Variants in MX1 observed in about 807,000 individuals in gnomAD.
The protein encoded by MX1 is interferon-induced GTP-binding protein Mx1.
MX1 carries 66 observed loss-of-function variants against 66.4 expected under a neutral mutation model. That is an observed-to-expected ratio of 0.99 (90% confidence interval 0.82 to 1.22). MX1 has a LOEUF of 1.22. MX1 is among the 50% of genes most tolerant of loss of function. The pLI, the probability that MX1 is intolerant of heterozygous loss-of-function variation, is 0.00. For synonymous variants in MX1, 311 were observed against 318.1 expected (o/e 0.98, Z 0.24); for missense variants, 787 against 834.3 (o/e 0.94, Z 0.70).
At chr21:41,425,723 G>GA (rs556653438), upstream of MX1, among the ~76,000 whole-genome samples, 70 of 152,302 alleles carry the variant, frequency 4.6e-4, 1 homozygote, top group East Asian at 0.012. Flanking sequence ...TGGGCAAGGG[G>GA]AAACGGGAAA....
At chr21:41,450,913 C>T (rs1601532320) in intron 14 of MX1, 1 of 194,910 alleles carries the variant, frequency 5.1e-6, no homozygotes. Flanking sequence ...AAAGAAATTA[C>T]ATTCTTTGCA....
Position 41,449,166 on chromosome 21 carries a change from A to C in MX1, c.1303A>C (p.Lys435Gln). 2 of 1,612,414 alleles carry C rather than the reference A, an allele frequency of 1.2e-6. No individual in the cohort carries two copies. The highest frequency in any genetic ancestry group is 1.7e-6 in the Non-Finnish European group (2 of 1,179,520). ...GHKILSRKIQ[K>Q]FENQYRGREL... Reference sequence around the variant, plus strand: ...TAAAATTTTGAGTAGAAAAATCCAGAAATTTGAAAATCAGTATCGTGGTAG... The same window carrying C: ...TAAAATTTTGAGTAGAAAAATCCAGCAATTTGAAAATCAGTATCGTGGTAG... Residue 435 changes from lysine to glutamine, a missense_variant, in exon 14 of 17, where the codon AAA (lysine) becomes CAA (glutamine). Transcript: ENST00000398598.
chr21:41,443,573 CT>C, intron 10 of MX1: 1 of 574,114 alleles, frequency 1.7e-6, no homozygotes, highest in Non-Finnish European at 3.2e-6. Context: ...GCTGGAAGAG[CT>C]CATTCCATAT....
chr21:41,450,010 C>A (rs907631872), intron 14 of MX1, among the ~76,000 whole-genome samples: 1 of 152,202 alleles, frequency 6.6e-6, no homozygotes, highest in South Asian at 2.1e-4. Flanking sequence ...ACACGAGATA[C>A]TCCTAAGGCT....
In MX1 at chr21:41,459,112, G is replaced by A. The variant is rs2091027568; in HGVS notation, c.*354G>A. 2.9e-6 allele frequency: 1 copy of A among 340,106 alleles called. No individual in the cohort carries two copies. Among genetic ancestry groups the A allele is most frequent in the Non-Finnish European group, 5.4e-6 (1 of 185,522 alleles). 21.1% of individuals were successfully genotyped at this position (340,106 alleles called of 1,614,324 possible). The stretch of plus-strand genomic sequence containing the variant: ...CAGCTTATTTCCTCATTTTTATAAT[G>A]TCCCTTCACAAACCCAGTGTTTTAG... On this transcript the variant is annotated 3_prime_UTR_variant, in exon 17 of 17. Coordinates refer to ENST00000398598, the MANE Select transcript of MX1 (RefSeq NM_002462.5).
chr21:41,443,637 C>A, intron 10 of MX1, 151 bp from the exon 11 acceptor site: 1 of 700,932 alleles, frequency 1.4e-6, no homozygotes. Context: ...CTATTCAATC[C>A]AGTTCTGAGT....
At chr21:41,449,007 T>A in intron 13 of MX1, 130 bp from the exon 14 acceptor site, 3 of 641,158 alleles carry the variant, frequency 4.7e-6, no homozygotes, top group East Asian at 3.4e-5. Flanking sequence ...AGTTTACCAG[T>A]TAGATTTGAT....
intron 14 of MX1, among the ~76,000 whole-genome samples, chr21:41,450,257 A>G (rs1028804613): frequency 2.0e-5 from 3 of 152,176 alleles, no homozygotes; most frequent in African/African-American, 4.8e-5. Context: ...TGTCACGGAT[A>G]GGTAGGAAAC....
Position 41,443,774 on chromosome 21 carries a change from G to A in MX1, c.930-14G>A. On this transcript the variant is annotated splice_polypyrimidine_tract_variant and intron_variant, in intron 10 of 16. Coordinates refer to ENST00000398598, the MANE Select transcript of MX1 (RefSeq NM_002462.5). ...CTACATCAAGGTGGAAATCGGTCCT[G>A]TGTTCTCTTCTAGGGATCTGCTGGA... is the stretch of plus-strand genomic sequence containing the variant. 1.2e-6 allele frequency: 2 copies of A among 1,614,032 alleles called. No individual in the cohort carries two copies. Among genetic ancestry groups the A allele is most frequent in the Non-Finnish European group, 1.7e-6 (2 of 1,179,864 alleles).
Position 41,451,679 on chromosome 21 carries a change from C to CAA in MX1, c.1509+441_1509+442dup, listed in dbSNP as rs34782817. Among the ~76,000 whole-genome samples, 4 of 151,514 alleles carry CAA rather than the reference C, an allele frequency of 2.6e-5. No homozygotes were observed. In the East Asian group the frequency reaches 7.8e-4, roughly 30 times the overall value. Reference sequence around the variant, plus strand: ...CAAAACCCCATCTCTACTAAAAATACAAAAAAGTAGCTGGACGTGGTGGTG... The same window carrying CAA: ...CAAAACCCCATCTCTACTAAAAATACAAAAAAAAGTAGCTGGACGTGGTGGTG... On this transcript the variant is annotated intron_variant, in intron 15 of 16. Coordinates refer to ENST00000398598, the MANE Select transcript of MX1 (RefSeq NM_002462.5).
rs763234240 is a variant in MX1, at chr21:41,440,907, G to T, written c.612G>T (p.Lys204Asn). Reference sequence around the variant, plus strand: ...TACAGATCAAGACACTCATCAAGAAGTACATCCAGAGGCAGGAGACAATCA... The same window carrying T: ...TACAGATCAAGACACTCATCAAGAATTACATCCAGAGGCAGGAGACAATCA... ...IGYKIKTLIK[K>N]YIQRQETISL... is the part of the protein sequence containing the mutation. Residue 204 changes from lysine (K) to asparagine (N), a missense_variant, in exon 9 of 17, where the codon AAG becomes AAT. Physicochemically the swap from Lys to Asn is moderately conservative, Grantham distance 94 (BLOSUM62 0). Transcript: ENST00000398598. 1.9e-6 allele frequency: 3 copies of T among 1,614,062 alleles called. No individual in the cohort carries two copies. Among genetic ancestry groups the T allele is most frequent in the Non-Finnish European group, 2.5e-6 (3 of 1,180,030 alleles).
intron 5 of MX1, among the ~76,000 whole-genome samples, chr21:41,432,574 G>A (rs558168800): frequency 1.5e-4 from 23 of 152,266 alleles, no homozygotes; most frequent in African/African-American, 5.5e-4. Context: ...TGAATTTTTT[G>A]CCCAGAATCA....
At chr21:41,448,914 A>G (rs899826753) in intron 13 of MX1, among the ~76,000 whole-genome samples, 11 of 142,010 alleles carry the variant, frequency 7.7e-5, no homozygotes, top group African/African-American at 2.9e-4. Context: ...AAGGAAAATT[A>G]TCTTCAGATC....
At position 41,440,997 on chromosome 21, in the gene MX1, G is replaced by C. The variant is rs1214165685; in HGVS notation, c.702G>C (p.Glu234Asp). The change falls in exon 9 of 17, where the codon GAG becomes GAC. Residue 234 changes from glutamate to aspartate, a missense_variant. Coordinates refer to ENST00000398598, the MANE Select transcript of MX1 (RefSeq NM_002462.5). Reference sequence around the variant, plus strand: ...CAGAGGCTCTCAGCATGGCCCAGGAGGTGGACCCCGAGGGAGACAGGACCA... The same window carrying C: ...CAGAGGCTCTCAGCATGGCCCAGGACGTGGACCCCGAGGGAGACAGGACCA... ...ATTEALSMAQ[E>D]VDPEGDRTIG... 1 of 1,614,052 alleles carries C rather than the reference G, an allele frequency of 6.2e-7. No individual in the cohort carries two copies. The highest frequency in any genetic ancestry group is 1.3e-5 in the African/African-American group (1 of 74,940).
intron 8 of MX1, 50 bp downstream of exon 8, chr21:41,439,898 A>G (rs75281064): frequency 4.3e-4 from 290 of 680,184 alleles, no homozygotes; most frequent in South Asian, 8.5e-4. Flanking sequence ...GGGATGGGGG[A>G]GTGGAGGGGT....
rs1380174966 is a variant in MX1 at position 41,449,208 on chromosome 21, G to A, written c.1345G>A (p.Val449Met). ...TCGTGGTAGAGAGCTGCCAGGCTTT[G>A]TGAATTACAGGACATTTGAGACAAT... ...QYRGRELPGF[V>M]NYRTFETIVK... The change falls in exon 14 of 17, where the codon GTG (valine) becomes ATG (methionine). Residue 449 changes from valine (V) to methionine (M), a missense_variant. Coordinates refer to ENST00000398598, the MANE Select transcript of MX1 (RefSeq NM_002462.5). 1 of 1,614,040 alleles carries A rather than the reference G, an allele frequency of 6.2e-7. No individual in the cohort carries two copies. Among genetic ancestry groups the A allele is most frequent in the Non-Finnish European group, 8.5e-7 (1 of 1,180,004 alleles).
At chr21:41,458,094 G>A (rs902493608) in intron 16 of MX1, among the ~76,000 whole-genome samples, 2 of 152,076 alleles carry the variant, frequency 1.3e-5, no homozygotes, top group African/African-American at 4.8e-5. Context: ...GCCTCCCCCT[G>A]CCTGGGTTCA....
intron 7 of MX1, among the ~76,000 whole-genome samples, chr21:41,437,790 C>A (rs963171820): frequency 6.6e-6 from 1 of 152,218 alleles, no homozygotes; most frequent in African/African-American, 2.4e-5. Context: ...GGGAGCTCCT[C>A]CCCCTGTTCC....
intron 4 of MX1, chr21:41,431,842 T>C: frequency 2.0e-6 from 1 of 501,656 alleles, no homozygotes; most frequent in Non-Finnish European, 3.6e-6. Flanking sequence ...TTGGCTTCTT[T>C]GGGTCACTCT....
Sources: gnomAD v4.1 joint callset for allele counts (sites outside exome capture counted in the v4.1 genomes callset) on GRCh38, gnomAD v4.1.1 for gene constraint, MANE v1.5 for transcripts, NCBI Gene and HGNC (gene_info 2026-07-23, HGNC 2026-07-21) for gene names.